The following ZNF398 variants were observed in gnomAD, a reference collection of about 807,000 sequenced individuals.
ZNF398 encodes zinc finger protein 398.
A neutral mutation model predicts 41.9 loss-of-function variants in ZNF398; 18 were observed. The ratio of observed to expected loss-of-function variants is 0.43; its 90% CI spans 0.30 to 0.64. The LOEUF (loss-of-function observed/expected upper bound fraction) is 0.64, where lower values mean the gene tolerates loss of function less well. Ranked by LOEUF, ZNF398 falls within the 30% of genes least tolerant of loss-of-function variation. The pLI, the probability that ZNF398 is intolerant of heterozygous loss-of-function variation, is 0.14. For synonymous variants in ZNF398, 260 were observed against 308.8 expected (o/e 0.84, Z 1.66); for missense variants, 669 against 822.8 (o/e 0.81, Z 2.29).
At chr7:149,126,894 C>T (rs544965070) in intron 1 of ZNF398, among the ~76,000 whole-genome samples, 18 of 152,244 alleles carry the variant, frequency 1.2e-4, no homozygotes, top group African/African-American at 3.9e-4. Context: ...GGTGCAGCGC[C>T]CTTCTGGGCT....
chr7:149,172,330 G>A (rs577190353), intron 4 of ZNF398, among the ~76,000 whole-genome samples: 4 of 152,110 alleles, frequency 2.6e-5, no homozygotes, highest in Non-Finnish European at 5.9e-5. Flanking sequence ...GTCTCATCTG[G>A]GGCGTGAATC....
At chr7:149,132,684 A>G (rs116078436) in intron 2 of ZNF398, among the ~76,000 whole-genome samples, 2 of 152,140 alleles carry the variant, frequency 1.3e-5, no homozygotes, top group East Asian at 1.9e-4. Flanking sequence ...ACCCTAATCT[A>G]CTTAATGCAA....
At chr7:149,136,940 C>T (rs903207854) in intron 2 of ZNF398, among the ~76,000 whole-genome samples, 7 of 149,072 alleles carry the variant, frequency 4.7e-5, no homozygotes, top group African/African-American at 1.7e-4. Context: ...GGTCTGGGCT[C>T]ACCACAACCT....
chr7:149,173,785 CTTTTTTTTT>C (rs528703910), intron 4 of ZNF398, among the ~76,000 whole-genome samples: 5 of 71,590 alleles, frequency 7.0e-5, no homozygotes, highest in African/African-American at 1.9e-4. Flanking sequence ...TAGCATAATT[CTTTTTTTTT>C]TTTTTTTTTT....
At chr7:149,136,321 G>A (rs899235714) in intron 2 of ZNF398, among the ~76,000 whole-genome samples, 5 of 151,970 alleles carry the variant, frequency 3.3e-5, no homozygotes, top group Non-Finnish European at 7.4e-5. Context: ...TGGGGCGGCC[G>A]AGCAGAGGCA....
At chr7:149,139,445 G>A (rs1310899859) in intron 2 of ZNF398, among the ~76,000 whole-genome samples, 1 of 152,074 alleles carries the variant, frequency 6.6e-6, no homozygotes, top group East Asian at 1.9e-4. Context: ...ATGATGTGCC[G>A]GGCGCGGTGG....
intron 2 of ZNF398, among the ~76,000 whole-genome samples, chr7:149,133,668 TATATATATATAC>T (rs1826644468): frequency 1.9e-5 from 1 of 52,560 alleles, no homozygotes; most frequent in African/African-American, 6.9e-5. Flanking sequence ...TATATATATA[TATATATATATAC>T]ATATATATGT....
At chr7:149,138,363 T>C (rs1826757161) in intron 2 of ZNF398, among the ~76,000 whole-genome samples, 1 of 152,126 alleles carries the variant, frequency 6.6e-6, no homozygotes, top group African/African-American at 2.4e-5. Flanking sequence ...GTGGATCACC[T>C]GAGATCAGGA....
In ZNF398 at chr7:149,166,141, T is replaced by C. The variant is rs1354738980; in HGVS notation, c.421-17T>C. The C allele has an allele frequency of 1.2e-6, 2 of 1,612,234 alleles. No individual in the cohort carries two copies. The highest frequency in any genetic ancestry group is 1.7e-5 in the Admixed American group (1 of 59,652). On this transcript the variant is annotated splice_polypyrimidine_tract_variant and intron_variant, in intron 2 of 5. Coordinates refer to ENST00000475153, the MANE Select transcript of ZNF398 (RefSeq NM_170686.3). The stretch of plus-strand genomic sequence containing the variant: ...AATTATAATGGAAGGGACTAACCCA[T>C]GTGATTGTAATTTTAGGTGCCTGTG...
Position 149,179,883 on chromosome 7 carries a change from A to G in ZNF398, c.*82A>G. 2 of 1,264,110 alleles carry G rather than the reference A, an allele frequency of 1.6e-6. No individual in the cohort carries two copies. The highest frequency in any genetic ancestry group is 1.5e-5 in the African/African-American group (1 of 67,098). The allele number at this position is 1,264,110 out of a possible 1,614,324, so 78.3% of individuals were successfully genotyped here. On this transcript the variant is annotated 3_prime_UTR_variant, in exon 6 of 6. Transcript: ENST00000475153. The surrounding 1 kb of genome is among the most constrained non-coding windows in gnomAD (Gnocchi z 6.1). The stretch of plus-strand genomic sequence containing the variant: ...AGAGAAGGTCTGTGAGCCCCATCCA[A>G]CACCCACAGTAATTATTATCTGGCA...
chr7:149,158,152 A>G (rs1468612321), intron 2 of ZNF398, among the ~76,000 whole-genome samples: 4 of 152,172 alleles, frequency 2.6e-5, no homozygotes, highest in Non-Finnish European at 5.9e-5. Flanking sequence ...ACAAACAGGA[A>G]AGTATGTGGT....
intron 1 of ZNF398, chr7:149,148,580 G>C (rs1827021236): frequency 2.8e-6 from 2 of 721,656 alleles, no homozygotes; most frequent in Non-Finnish European, 3.4e-6. Context: ...CGATGGGTAG[G>C]GGGTAGAGCA....
At position 149,179,770 on chromosome 7, in the gene ZNF398, A is replaced by T; in HGVS notation, c.1898A>T (p.Tyr633Phe). 6.2e-7 allele frequency: 1 copy of T among 1,602,490 alleles called. No homozygotes were observed. Among genetic ancestry groups the T allele is most frequent in the Non-Finnish European group, 8.5e-7 (1 of 1,172,490 alleles). Residue 633 changes from tyrosine to phenylalanine, a missense_variant, in exon 6 of 6, where the codon TAT becomes TTT. Around this residue, in one of 3 missense-constraint regions of ZNF398, gnomAD observed 210 missense variants for 290.4 expected, o/e 0.72. Coordinates refer to ENST00000475153, the MANE Select transcript of ZNF398 (RefSeq NM_170686.3). This position sits in a 1 kb window ranked among gnomAD's most constrained non-coding sequence, Gnocchi z 6.1. ...GAAGGTCTAGAGACCAACCAGTGGT[A>T]TGGGGAAGGGAGTGGAGGGGGAGTT... is the stretch of plus-strand genomic sequence containing the variant. ...NTEGLETNQW[Y>F]GEGSGGGVL
chr7:149,148,745 G>A (rs1434418189), intron 1 of ZNF398, among the ~76,000 whole-genome samples: 1 of 151,964 alleles, frequency 6.6e-6, no homozygotes, highest in African/African-American at 2.4e-5. Context: ...AATCAAGCTT[G>A]TCCAACCCGC....
rs554207020 is a variant in ZNF398, at chr7:149,179,755, A to C, written c.1883A>C (p.Glu628Ala). ...SGLGVNTEGL[E>A]TNQWYGEGSG... ...CTGGGTGTCAACACTGAAGGTCTAG[A>C]GACCAACCAGTGGTATGGGGAAGGG... The change falls in exon 6 of 6, where the codon GAG becomes GCG. Residue 628 changes from glutamate (E) to alanine (A), a missense_variant. Glu to Ala is a moderately radical substitution (Grantham distance 107, BLOSUM62 -1). Coordinates refer to ENST00000475153, the MANE Select transcript of ZNF398 (RefSeq NM_170686.3). This position sits in a 1 kb window ranked among gnomAD's most constrained non-coding sequence, Gnocchi z 6.1. 6.2e-7 allele frequency: 1 copy of C among 1,609,520 alleles called. No homozygotes were observed. Among genetic ancestry groups the C allele is most frequent in the Admixed American group, 1.7e-5 (1 of 59,626 alleles).
At position 149,138,290 on chromosome 7, in the gene ZNF398, G is replaced by A. The variant is rs142932235; in HGVS notation, c.-490+9346G>A. ...AATAACAAAGGCAGGTTTCAAAACA[G>A]TATTTATGGCTGGGTGCAGTGGCTC... On this transcript the variant is annotated intron_variant, in intron 2 of 6. Coordinates refer to the ZNF398 transcript ENST00000426851. 1.4e-3 allele frequency among the ~76,000 whole-genome samples: 216 copies of A among 150,082 alleles called. 1 individual carries two copies. Among genetic ancestry groups the A allele is most frequent in the African/African-American group, 5.0e-3 (205 of 40,846 alleles).
At chr7:149,131,792 C>G (rs1826600387) in intron 2 of ZNF398, among the ~76,000 whole-genome samples, 1 of 152,180 alleles carries the variant, frequency 6.6e-6, no homozygotes, top group Non-Finnish European at 1.5e-5. Flanking sequence ...TTTTACTTAG[C>G]ATTTCTATTG....
At chr7:149,175,871 A>G (rs189357678) in intron 4 of ZNF398, among the ~76,000 whole-genome samples, 337 of 152,050 alleles carry the variant, frequency 2.2e-3, no homozygotes, top group Non-Finnish European at 4.1e-3. Flanking sequence ...TTTTTAGTAG[A>G]GACAGGGTTT....
chr7:149,130,677 G>A (rs1261124990), intron 2 of ZNF398, among the ~76,000 whole-genome samples: 1 of 152,156 alleles, frequency 6.6e-6, no homozygotes, highest in Non-Finnish European at 1.5e-5. Flanking sequence ...TCTAATCAAT[G>A]GTGGTGTTGC....
Sources: allele counts gnomAD v4.1 joint callset (sites outside exome capture counted in the v4.1 genomes callset), GRCh38; gene constraint gnomAD v4.1.1; regional missense constraint gnomAD v4.1.1; non-coding constraint Gnocchi (gnomAD v3.1); transcripts MANE v1.5; gene names NCBI Gene and HGNC (gene_info 2026-07-23, HGNC 2026-07-21).